The following MARCHF1 variants were observed in gnomAD, a reference collection of about 807,000 sequenced individuals.
MARCHF1 encodes E3 ubiquitin-protein ligase MARCHF1.
A neutral mutation model predicts 54.2 loss-of-function variants in MARCHF1; 40 were observed. The observed-to-expected ratio is 0.74, with a 90% CI of 0.57 to 0.96. MARCHF1 has a LOEUF of 0.96. MARCHF1 is among the 40% of genes least tolerant of loss of function. The pLI is 0.00. For synonymous variants in MARCHF1, 236 were observed against 236.3 expected, an observed-to-expected ratio of 1.00 and a Z score of 0.01; for missense variants, 586 against 656.5, an observed-to-expected ratio of 0.89 and a Z score of 1.17.
In MARCHF1 at chr4:163,635,456, C is replaced by G. The variant is rs1182907819; in HGVS notation, c.163-22063G>C. ...AAATACAAACTACCATCAGAGAATA[C>G]TACAAACACCTCTACACAAATAAAC... On this transcript the variant is annotated intron_variant, in intron 5 of 9. Transcript: ENST00000514618. 1.4e-4 allele frequency among the ~76,000 whole-genome samples: 21 copies of G among 149,240 alleles called. No homozygotes were observed. In the South Asian group the frequency reaches 4.5e-3, roughly 32 times the overall value.
intron 3 of MARCHF1, among the ~76,000 whole-genome samples, chr4:163,899,375 A>G (rs947959591): frequency 6.6e-6 from 1 of 152,086 alleles, no homozygotes; most frequent in African/African-American, 2.4e-5. Context: ...AGCACTATAT[A>G]TGATAGATTA....
intron 8 of MARCHF1, 52 bp downstream of exon 8, chr4:163,585,697 A>G: frequency 7.3e-7 from 1 of 1,363,610 alleles, no homozygotes; most frequent in Non-Finnish European, 9.9e-7. Context: ...TTTCTAAAAC[A>G]AGTCTGCTTT....
chr4:164,064,256 A>G (rs1754682106), intron 2 of MARCHF1, among the ~76,000 whole-genome samples: 1 of 152,184 alleles, frequency 6.6e-6, no homozygotes, highest in African/African-American at 2.4e-5. Flanking sequence ...TTTGGGTGGT[A>G]TGGCCATTTT....
At chr4:164,170,539 C>T (rs984026294) in intron 1 of MARCHF1, among the ~76,000 whole-genome samples, 1 of 151,976 alleles carries the variant, frequency 6.6e-6, no homozygotes, top group Non-Finnish European at 1.5e-5. Context: ...TGTGACAACG[C>T]CAGGCACTTA....
chr4:164,184,262 C>G (rs1730908239), intron 1 of MARCHF1, among the ~76,000 whole-genome samples: 2 of 152,056 alleles, frequency 1.3e-5, no homozygotes, highest in African/African-American at 4.8e-5. Context: ...TTCACTCACC[C>G]CATTGATTAT....
chr4:163,635,288 A>T (rs1742271231), intron 5 of MARCHF1, among the ~76,000 whole-genome samples: 1 of 141,452 alleles, frequency 7.1e-6, no homozygotes, highest in African/African-American at 2.8e-5. Flanking sequence ...AAAACCCTTC[A>T]AAAAATTAAT....
At chr4:163,642,593 A>G (rs1742593503) in intron 5 of MARCHF1, among the ~76,000 whole-genome samples, 1 of 152,146 alleles carries the variant, frequency 6.6e-6, no homozygotes, top group Admixed American at 6.6e-5. Flanking sequence ...TAAAGTTCTT[A>G]CCATAATGAC....
At chr4:163,631,890 A>C (rs1418062792) in intron 5 of MARCHF1, among the ~76,000 whole-genome samples, 2 of 152,216 alleles carry the variant, frequency 1.3e-5, no homozygotes, top group East Asian at 3.8e-4. Context: ...TACAGAGAAA[A>C]TATTTACAAA....
chr4:164,197,682 C>T (rs1372541373), intron 1 of MARCHF1: 11 of 1,612,410 alleles, frequency 6.8e-6, no homozygotes, highest in Non-Finnish European at 8.5e-6. Context: ...TGTTCCGCAG[C>T]TCTGAATGAA....
intron 2 of MARCHF1, among the ~76,000 whole-genome samples, chr4:164,100,270 T>C (rs184680497): frequency 2.6e-5 from 4 of 152,330 alleles, no homozygotes; most frequent in African/African-American, 9.6e-5. Context: ...ACCTGGCAGA[T>C]TAATTACAAT....
intron 2 of MARCHF1, among the ~76,000 whole-genome samples, chr4:164,088,499 A>G (rs1269310228): frequency 3.9e-5 from 6 of 152,138 alleles, no homozygotes; most frequent in African/African-American, 1.4e-4. Context: ...GTGCTTTGGG[A>G]GGCCAAGATG....
chr4:163,969,739 T>C (rs1361993750), intron 3 of MARCHF1, among the ~76,000 whole-genome samples: 2 of 152,204 alleles, frequency 1.3e-5, no homozygotes, highest in Admixed American at 1.3e-4. Flanking sequence ...AGCTTATTAA[T>C]CAATGCGTTT....
At chr4:163,868,315 T>C (rs767667036) in intron 3 of MARCHF1, among the ~76,000 whole-genome samples, 11 of 151,862 alleles carry the variant, frequency 7.2e-5, no homozygotes, top group Non-Finnish European at 8.8e-5. Flanking sequence ...GAAAAATACA[T>C]AAGAATACTA....
At chr4:163,546,640 C>T (rs188545882) in intron 8 of MARCHF1, among the ~76,000 whole-genome samples, 39 of 152,268 alleles carry the variant, frequency 2.6e-4, no homozygotes, top group African/African-American at 6.7e-4. Flanking sequence ...ATCACTTGGG[C>T]GATACTAGAA....
intron 5 of MARCHF1, among the ~76,000 whole-genome samples, chr4:163,631,800 T>C (rs1055212773): frequency 6.6e-6 from 1 of 152,112 alleles, no homozygotes; most frequent in Non-Finnish European, 1.5e-5. Context: ...GCAGCAAAGG[T>C]AAAGAGATAA....
chr4:163,818,714 T>C (rs752206702), intron 4 of MARCHF1, among the ~76,000 whole-genome samples: 1 of 152,002 alleles, frequency 6.6e-6, no homozygotes, highest in Admixed American at 6.6e-5. Context: ...ATATTCCTTT[T>C]CTCCAGGTTT....
chr4:164,267,509 C>T (rs1355557877), intron 1 of MARCHF1, among the ~76,000 whole-genome samples: 1 of 152,138 alleles, frequency 6.6e-6, no homozygotes, highest in Non-Finnish European at 1.5e-5. Flanking sequence ...GTAGCCAACC[C>T]TAAGTGAAGA....
chr4:163,542,627 C>T (rs767863095), intron 9 of MARCHF1, among the ~76,000 whole-genome samples: 7 of 152,156 alleles, frequency 4.6e-5, no homozygotes, highest in African/African-American at 9.7e-5. Flanking sequence ...TATGGGACTA[C>T]GTGGTAGGGC....
chr4:164,061,269 A>C (rs983674321), intron 2 of MARCHF1, among the ~76,000 whole-genome samples: 12 of 151,982 alleles, frequency 7.9e-5, no homozygotes, highest in Admixed American at 6.6e-4. Context: ...ATGAATAGTC[A>C]TGTTATTTGG....
Sources: gnomAD v4.1 joint callset for allele counts (sites outside exome capture counted in the v4.1 genomes callset) on GRCh38, gnomAD v4.1.1 for gene constraint, MANE v1.5 for transcripts, NCBI Gene and HGNC (gene_info 2026-07-23, HGNC 2026-07-21) for gene names.